The following CSMD1 variants were observed in gnomAD, a reference collection of about 807,000 sequenced individuals.
CSMD1 encodes CUB and Sushi multiple domains 1.
A neutral mutation model predicts 417.5 loss-of-function variants in CSMD1; 213 were observed. That is an observed-to-expected ratio of 0.51 (90% CI 0.46 to 0.57). CSMD1 has a LOEUF of 0.57. CSMD1 is among the 20% of genes least tolerant of loss of function. The pLI, the probability that CSMD1 is intolerant of heterozygous loss-of-function variation, is 0.00. For synonymous variants in CSMD1, 2,862 were observed against 1,736.8 expected (o/e 1.65, Z -16.11); for missense variants, 6,923 against 4,529.7 (o/e 1.53, Z -15.17).
chr8:4,905,253 C>G (rs1490190128), intron 1 of CSMD1, among the ~76,000 whole-genome samples: 2 of 152,126 alleles, frequency 1.3e-5, no homozygotes, highest in Non-Finnish European at 2.9e-5. Context: ...AACACATTAA[C>G]CAGCTATTTT....
At chr8:4,684,500 T>C (rs571790917) in intron 1 of CSMD1, among the ~76,000 whole-genome samples, 11 of 152,144 alleles carry the variant, frequency 7.2e-5, no homozygotes, top group Non-Finnish European at 1.3e-4. Context: ...TGGAGAGAGA[T>C]TTACTTTCAA....
At chr8:4,680,668 C>A (rs996626118) in intron 1 of CSMD1, among the ~76,000 whole-genome samples, 3 of 152,064 alleles carry the variant, frequency 2.0e-5, no homozygotes, top group African/African-American at 7.2e-5. Flanking sequence ...CAACCTCTGC[C>A]TCCCAGGTTC....
intron 12 of CSMD1, among the ~76,000 whole-genome samples, chr8:3,421,132 C>A (rs893233971): frequency 2.0e-5 from 3 of 152,184 alleles, no homozygotes; most frequent in African/African-American, 4.8e-5. Context: ...AAAATTACAT[C>A]TTTAACATTC....
intron 2 of CSMD1, among the ~76,000 whole-genome samples, chr8:4,437,836 G>A (rs932758068): frequency 4.6e-5 from 7 of 152,146 alleles, no homozygotes; most frequent in African/African-American, 1.4e-4. Context: ...CTGTAAAACT[G>A]TGCAGGTCTG....
At chr8:4,360,715 C>A (rs530192348) in intron 3 of CSMD1, among the ~76,000 whole-genome samples, 1 of 152,042 alleles carries the variant, frequency 6.6e-6, no homozygotes, top group South Asian at 2.1e-4. Context: ...GGATGGTCTC[C>A]GATCTCCTGA....
intron 3 of CSMD1, among the ~76,000 whole-genome samples, chr8:4,058,779 C>A (rs13253408): frequency 0.54 from 76,600 of 142,314 alleles, 21,661 homozygotes; most frequent in Non-Finnish European, 0.64. Flanking sequence ...CAGGAGCACC[C>A]AGATTCATAA....
intron 7 of CSMD1, among the ~76,000 whole-genome samples, chr8:3,697,165 C>G (rs146870481): frequency 6.6e-6 from 1 of 152,220 alleles, no homozygotes; most frequent in African/African-American, 2.4e-5. Context: ...GTTTTTGAAA[C>G]TTTTCATTCA....
At chr8:3,305,962 G>C (rs1204264781) in intron 25 of CSMD1, among the ~76,000 whole-genome samples, 3 of 152,166 alleles carry the variant, frequency 2.0e-5, no homozygotes, top group South Asian at 2.1e-4. Flanking sequence ...TTACAGGCAT[G>C]AGCCACTGCA....
chr8:4,220,015 T>A (rs780168794), intron 3 of CSMD1, among the ~76,000 whole-genome samples: 7 of 152,154 alleles, frequency 4.6e-5, no homozygotes, highest in Non-Finnish European at 1.0e-4. Context: ...AGTGGTGCGA[T>A]CTAGGCTGAC....
At chr8:4,401,448 G>A (rs547009099) in intron 3 of CSMD1, among the ~76,000 whole-genome samples, 3 of 152,076 alleles carry the variant, frequency 2.0e-5, no homozygotes, top group Non-Finnish European at 4.4e-5. Context: ...AAAAACATAG[G>A]TAATTTCAAG....
In CSMD1 at chr8:4,875,880, T is replaced by C. The variant is rs535285425; in HGVS notation, c.85+118452A>G. On this transcript the variant is annotated intron_variant, in intron 1 of 69. Transcript: ENST00000635120. ...AATCTGAAATAATTTATGAAAGCCA[T>C]TTAGTGAATATTTAATTACTCAAAA... Among the ~76,000 whole-genome samples, 72 of 152,092 alleles carry C rather than the reference T, an allele frequency of 4.7e-4. No homozygotes were observed. In the South Asian group the frequency reaches 0.014, roughly 30 times the overall value.
At chr8:4,305,848 T>A (rs189527700) in intron 3 of CSMD1, among the ~76,000 whole-genome samples, 1 of 152,206 alleles carries the variant, frequency 6.6e-6, no homozygotes, top group African/African-American at 2.4e-5. Flanking sequence ...CGATCTTGTA[T>A]GGATCCCCTT....
chr8:3,839,434 A>AATGTTATATATTATAATATAAT (rs1802954638), intron 5 of CSMD1, among the ~76,000 whole-genome samples: 1 of 102,908 alleles, frequency 9.7e-6, no homozygotes, highest in Non-Finnish European at 1.8e-5. Flanking sequence ...ATAATAAATT[A>AATGTTATATATTATAATATAAT]ATATTATATA....
chr8:4,632,920 G>A (rs573837819), intron 2 of CSMD1, among the ~76,000 whole-genome samples: 47 of 152,324 alleles, frequency 3.1e-4, no homozygotes, highest in African/African-American at 1.1e-3. Flanking sequence ...ACAGATCTGT[G>A]CAACTGAACA....
rs758709640 is a variant in CSMD1 at position 3,815,470 on chromosome 8, G to A, written c.819-61428C>T. ...TTGTGCCAGTCCCTCAGGTTTCTGT[G>A]TAAATATAAAAGTTAAACTCAAAAA... On this transcript the variant is annotated intron_variant, in intron 5 of 69. Transcript: ENST00000635120. Among the ~76,000 whole-genome samples, 12 of 152,070 alleles carry A rather than the reference G, an allele frequency of 7.9e-5. No homozygotes were observed. The South Asian group carries it at 1.9e-3, about 24-fold the overall frequency.
At chr8:3,875,746 A>C (rs1263844137) in intron 5 of CSMD1, among the ~76,000 whole-genome samples, 1 of 152,186 alleles carries the variant, frequency 6.6e-6, no homozygotes, top group Non-Finnish European at 1.5e-5. Context: ...GCAGTCAAAG[A>C]AATGGAGACA....
chr8:4,496,330 T>G (rs1426094919), intron 2 of CSMD1, among the ~76,000 whole-genome samples: 3 of 152,200 alleles, frequency 2.0e-5, no homozygotes, highest in Non-Finnish European at 2.9e-5. Context: ...CTCCTTAGGT[T>G]CTGCTCAGAC....
intron 1 of CSMD1, among the ~76,000 whole-genome samples, chr8:4,973,599 G>A (rs115649414): frequency 1.3e-5 from 2 of 152,120 alleles, no homozygotes; most frequent in African/African-American, 4.8e-5. Context: ...TTGACTTAAA[G>A]TGTTCTCTAA....
At chr8:3,589,930 A>G (rs1265167054) in intron 8 of CSMD1, among the ~76,000 whole-genome samples, 2 of 142,594 alleles carry the variant, frequency 1.4e-5, no homozygotes, top group South Asian at 2.3e-4. Flanking sequence ...ATTTCTGGCA[A>G]TATATGTTTA....
Sources: gnomAD v4.1 joint callset for allele counts (sites outside exome capture counted in the v4.1 genomes callset) on GRCh38, gnomAD v4.1.1 for gene constraint, MANE v1.5 for transcripts, NCBI Gene and HGNC (gene_info 2026-07-23, HGNC 2026-07-21) for gene names.